PCDHGA2: variants seen among roughly 807,000 people sequenced by gnomAD.
PCDHGA2 encodes protocadherin gamma-A2.
In PCDHGA2, 40 loss-of-function variants were observed where a neutral mutation model predicts 59.2. That is an observed-to-expected ratio of 0.68 (90% confidence interval 0.52 to 0.88). PCDHGA2 has a LOEUF of 0.88. Among genes scored for constraint, PCDHGA2 ranks in the 40% least tolerant of loss-of-function variants. PCDHGA2 has a pLI of 0.00. For missense variants in PCDHGA2, 1,226 were observed against 1,204.0 expected (o/e 1.02, Z -0.27); for synonymous variants, 560 against 526.0 (o/e 1.06, Z -0.89).
Position 141,485,057 on chromosome 5 carries a change from C to T in PCDHGA2, c.2425-9750C>T. 1 of 843,720 alleles carries T rather than the reference C, an allele frequency of 1.2e-6. No individual in the cohort carries two copies. The highest frequency in any genetic ancestry group is 1.9e-6 in the Non-Finnish European group (1 of 524,586). 52.3% of individuals were successfully genotyped at this position (843,720 alleles called of 1,614,324 possible). On this transcript the variant is annotated intron_variant, in intron 1 of 3. Transcript: ENST00000394576. This position sits in a 1 kb window ranked among gnomAD's most constrained non-coding sequence, Gnocchi z 5.7. The stretch of plus-strand genomic sequence containing the variant: ...GTAACCCTTGCGGCGCCGGCCGAAC[C>T]GCGCCAGAGCTGGCGCGGGGAAAGG...
chr5:141,491,109 A>G lies in PCDHGA2; in HGVS notation c.2425-3698A>G, dbSNP rs1039906987. 4.3e-6 allele frequency: 7 copies of G among 1,614,074 alleles called. No individual in the cohort carries two copies. The African/African-American group carries it at 9.3e-5, about 22-fold the overall frequency. ...CCCCAGGACTGTTCCTCGTGTCTAC[A>G]CACACTGGTGAGGTGCGCACAGCCC... On this transcript the variant is annotated intron_variant, in intron 1 of 3. Coordinates refer to ENST00000394576, the MANE Select transcript of PCDHGA2 (RefSeq NM_018915.4). The surrounding 1 kb of genome is among the most constrained non-coding windows in gnomAD (Gnocchi z 6.9).
At chr5:141,461,251 A>G (rs925406409) in intron 1 of PCDHGA2, among the ~76,000 whole-genome samples, 1 of 152,156 alleles carries the variant, frequency 6.6e-6, no homozygotes, top group Non-Finnish European at 1.5e-5. Flanking sequence ...TTATATTCCC[A>G]GCAGCAATGT....
chr5:141,348,325 A>T (rs1372797217), intron 1 of PCDHGA2, among the ~76,000 whole-genome samples: 2 of 152,258 alleles, frequency 1.3e-5, no homozygotes, highest in African/African-American at 4.8e-5. Context: ...ACAGAATTTA[A>T]AAGGCCCATA....
chr5:141,341,219 C>T lies in PCDHGA2; in HGVS notation c.2248C>T (p.Leu750=), dbSNP rs751818839. The change falls in exon 1 of 4, where the codon CTG becomes TTG. Residue 750 remains leucine, a synonymous_variant. Transcript: ENST00000394576. ...FVGVDGVRAF[L]QTYSHEVSLT... ...GGGCGTGGACGGGGTTCGGGCTTTC[C>T]TGCAGACCTATTCCCACGAGGTCTC... is the stretch of plus-strand genomic sequence containing the variant. 1.9e-6 allele frequency: 3 copies of T among 1,614,116 alleles called. No individual in the cohort carries two copies. Among genetic ancestry groups the T allele is most frequent in the Admixed American group, 1.7e-5 (1 of 60,006 alleles).
intron 1 of PCDHGA2, among the ~76,000 whole-genome samples, chr5:141,438,585 TACATAC>T (rs201018754): frequency 0.16 from 9,805 of 59,734 alleles, 612 homozygotes; most frequent in African/African-American, 0.28. Context: ...CATACATACA[TACATAC>T]ATATATATAT....
chr5:141,423,154 C>A, intron 1 of PCDHGA2: 1 of 1,613,466 alleles, frequency 6.2e-7, no homozygotes, highest in South Asian at 1.1e-5. Flanking sequence ...CAAGCAGAGC[C>A]TCGTGGTGGC....
At position 141,366,991 on chromosome 5, in the gene PCDHGA2, A is replaced by G. The variant is rs1764892123; in HGVS notation, c.2424+25596A>G. The G allele has an allele frequency of 1.3e-5, 6 of 477,098 alleles. No individual in the cohort carries two copies. The South Asian group carries it at 2.2e-4, about 18-fold the overall frequency. 29.6% of individuals were successfully genotyped at this position (477,098 alleles called of 1,614,324 possible). A position where few individuals can be genotyped will look rare whatever the true frequency, so the allele number is the denominator to read the frequency against. Reference sequence around the variant, plus strand: ...AAATACCTTAAAGGAAAGTGGTTAAATATAATCATTTTACCCAAATATTTT... The same window carrying G: ...AAATACCTTAAAGGAAAGTGGTTAAGTATAATCATTTTACCCAAATATTTT... On this transcript the variant is annotated intron_variant, in intron 1 of 3. Coordinates refer to ENST00000394576, the MANE Select transcript of PCDHGA2 (RefSeq NM_018915.4).
Position 141,440,827 on chromosome 5 carries a change from A to G in PCDHGA2, c.2425-53980A>G, listed in dbSNP as rs570022849. 7 of 152,196 alleles carry G rather than the reference A, an allele frequency of 4.6e-5. 1 individual carries two copies. The highest frequency in any genetic ancestry group is 1.4e-4 in the African/African-American group (6 of 41,526). 9.4% of individuals were successfully genotyped at this position (152,196 alleles called of 1,614,324 possible). A position where few individuals can be genotyped will look rare whatever the true frequency, so the allele number is the denominator to read the frequency against. ...GCAGCATCACTCAACTCCTGATCCT[A>G]TTGGTTGAAGCCAATGACAACCCTG... On this transcript the variant is annotated intron_variant, in intron 1 of 3. Transcript: ENST00000394576.
At chr5:141,395,138 C>A (rs147992300) in intron 1 of PCDHGA2, 1 of 1,614,204 alleles carries the variant, frequency 6.2e-7, no homozygotes, top group African/African-American at 1.3e-5. Flanking sequence ...AGCCCAACTA[C>A]GCAGACATGC....
chr5:141,366,214 A>T lies in PCDHGA2; in HGVS notation c.2424+24819A>T, dbSNP rs749592795. The T allele has an allele frequency of 7.4e-6, 12 of 1,613,810 alleles. No individual in the cohort carries two copies. In the Admixed American group the frequency reaches 2.0e-4, roughly 27 times the overall value. On this transcript the variant is annotated intron_variant, in intron 1 of 3. Transcript: ENST00000394576. ...GGCTGCACACGGGCGAGGTGCGCAC[A>T]GCGCGAGCCCTGCTGGACAGAGACG...
chr5:141,415,783 A>G, intron 1 of PCDHGA2: 1 of 1,344,604 alleles, frequency 7.4e-7, no homozygotes, highest in Non-Finnish European at 9.5e-7. Context: ...ACTTTCTGGT[A>G]AAATTCACCT....
chr5:141,399,327 G>C (rs2093787081), intron 1 of PCDHGA2: 2 of 1,613,936 alleles, frequency 1.2e-6, no homozygotes, highest in African/African-American at 1.3e-5. Flanking sequence ...CGTATAAGTT[G>C]GTAACAGATG....
At chr5:141,456,731 G>A (rs1282690673) in intron 1 of PCDHGA2, among the ~76,000 whole-genome samples, 1 of 152,214 alleles carries the variant, frequency 6.6e-6, no homozygotes, top group Non-Finnish European at 1.5e-5. Flanking sequence ...TTGGGAGGCT[G>A]AGGCGGGAGC....
Position 141,433,012 on chromosome 5 carries a change from G to C in PCDHGA2, c.2425-61795G>C. 1 of 1,614,172 alleles carries C rather than the reference G, an allele frequency of 6.2e-7. No homozygotes were observed. Among genetic ancestry groups the C allele is most frequent in the South Asian group, 1.1e-5 (1 of 91,080 alleles). The stretch of plus-strand genomic sequence containing the variant: ...TGGACGGGGTGCAGGCTTTCCTGCA[G>C]ACCTATTCCCACGAGGTTTCCCTCA... On this transcript the variant is annotated intron_variant, in intron 1 of 3. Coordinates refer to ENST00000394576, the MANE Select transcript of PCDHGA2 (RefSeq NM_018915.4).
At position 141,351,512 on chromosome 5, in the gene PCDHGA2, A is replaced by T. The variant is rs1043449165; in HGVS notation, c.2424+10117A>T. The T allele has an allele frequency of 1.8e-5, 29 of 1,614,012 alleles. No homozygotes were observed. Among genetic ancestry groups the T allele is most frequent in the African/African-American group, 2.7e-5 (2 of 75,062 alleles). ...GCAGACAGCAGACTACAACGTCACAATCATAGCCACCGACAAGGGCAAACC... is the reference window on the plus strand; with the variant it reads ...GCAGACAGCAGACTACAACGTCACATTCATAGCCACCGACAAGGGCAAACC... On this transcript the variant is annotated intron_variant, in intron 1 of 3. Coordinates refer to ENST00000394576, the MANE Select transcript of PCDHGA2 (RefSeq NM_018915.4).
At chr5:141,390,674 T>C (rs1389887545) in intron 1 of PCDHGA2, 1 of 189,116 alleles carries the variant, frequency 5.3e-6, no homozygotes, top group East Asian at 1.5e-4. Flanking sequence ...ATAAAAATAA[T>C]AAAGCCAAAG....
At chr5:141,396,487 G>A (rs1196823269) in intron 1 of PCDHGA2, 1 of 152,122 alleles carries the variant, frequency 6.6e-6, no homozygotes, top group Non-Finnish European at 1.5e-5. Flanking sequence ...AGGCATGGTG[G>A]CATGCGCCTG....
chr5:141,457,676 A>G (rs1380484149), intron 1 of PCDHGA2, among the ~76,000 whole-genome samples: 2 of 152,240 alleles, frequency 1.3e-5, no homozygotes, highest in East Asian at 3.8e-4. Flanking sequence ...TTATTTCTAC[A>G]TAGGACTTTT....
At chr5:141,361,236 C>G (rs373083462) in intron 1 of PCDHGA2, 88 of 1,613,828 alleles carry the variant, frequency 5.5e-5, no homozygotes, top group Non-Finnish European at 7.2e-5. Flanking sequence ...CAGTGATCGC[C>G]TTGATAAAAA....
Sources: allele counts gnomAD v4.1 joint callset (sites outside exome capture counted in the v4.1 genomes callset), GRCh38; gene constraint gnomAD v4.1.1; non-coding constraint Gnocchi (gnomAD v3.1); transcripts MANE v1.5; gene names NCBI Gene and HGNC (gene_info 2026-07-23, HGNC 2026-07-21).